The following DAB1 variants were observed in gnomAD, a reference collection of about 807,000 sequenced individuals.
DAB1 encodes the protein DAB adaptor protein 1.
In DAB1, 15 loss-of-function variants were observed where a neutral mutation model predicts 64.6. The ratio of observed to expected loss-of-function variants is 0.23; its 90% CI spans 0.16 to 0.36. The LOEUF is 0.36. Among genes scored for constraint, DAB1 ranks in the 10% least tolerant of loss-of-function variants. DAB1 has a pLI of 1.00. For synonymous variants in DAB1, 235 were observed against 251.9 expected, an observed-to-expected ratio of 0.93 and a Z score of 0.64; for missense variants, 596 against 706.7, an observed-to-expected ratio of 0.84 and a Z score of 1.78.
At chr1:57,899,621 C>T (rs1448486120) in intron 5 of DAB1, among the ~76,000 whole-genome samples, 3 of 151,950 alleles carry the variant, frequency 2.0e-5, no homozygotes, top group African/African-American at 7.2e-5. Context: ...TGCCACCACT[C>T]ACGGAGAAAG....
Position 58,470,032 on chromosome 1 carries a change from G to C in DAB1, n.257+36028C>G, listed in dbSNP as rs1175620377. Among the ~76,000 whole-genome samples the C allele has an allele frequency of 3.3e-5, 5 of 151,878 alleles. No individual in the cohort carries two copies. The East Asian group carries it at 9.6e-4, about 29-fold the overall frequency. ...CATTTACTCTTCACAGCAGCCCCAG[G>C]AAGTACACTGAGGCCATTCTTCCCA... is the stretch of plus-strand genomic sequence containing the variant. On this transcript the variant is annotated intron_variant and non_coding_transcript_variant, in intron 3 of 20. Transcript: ENST00000485760.
chr1:57,431,955 C>T (rs1359460069), intron 7 of DAB1, among the ~76,000 whole-genome samples: 1 of 152,062 alleles, frequency 6.6e-6, no homozygotes, highest in Admixed American at 6.6e-5. Context: ...AACCCCGTCT[C>T]TACTAAAAAT....
At chr1:58,359,837 C>T (rs923442915) in intron 3 of DAB1, among the ~76,000 whole-genome samples, 3 of 152,164 alleles carry the variant, frequency 2.0e-5, no homozygotes, top group Admixed American at 2.0e-4. Flanking sequence ...CATCATGGCA[C>T]TGAAAGTGTA....
At chr1:58,132,984 C>G (rs767112199) in intron 5 of DAB1, among the ~76,000 whole-genome samples, 1 of 152,180 alleles carries the variant, frequency 6.6e-6, no homozygotes, top group Non-Finnish European at 1.5e-5. Context: ...TACATTCCCA[C>G]GAGCTTATAC....
chr1:57,936,717 G>A (rs1280270320), intron 5 of DAB1, among the ~76,000 whole-genome samples: 10 of 151,740 alleles, frequency 6.6e-5, no homozygotes, highest in Non-Finnish European at 1.0e-4. Flanking sequence ...ATGGAGTCTC[G>A]CACTGTTGTT....
chr1:57,340,009 T>C (rs1677442069), intron 1 of DAB1, among the ~76,000 whole-genome samples: 1 of 152,210 alleles, frequency 6.6e-6, no homozygotes, highest in Non-Finnish European at 1.5e-5. Flanking sequence ...GGATTCATCC[T>C]GTAATGAGCA....
At chr1:57,653,083 A>G (rs2101657591) in intron 6 of DAB1, among the ~76,000 whole-genome samples, 1 of 152,372 alleles carries the variant, frequency 6.6e-6, no homozygotes, top group East Asian at 1.9e-4. Context: ...GAATATAGAC[A>G]TAATTATAAC....
At chr1:58,181,703 G>A (rs911911076) in intron 4 of DAB1, among the ~76,000 whole-genome samples, 1 of 151,894 alleles carries the variant, frequency 6.6e-6, no homozygotes, top group Non-Finnish European at 1.5e-5. Flanking sequence ...TGGAAATTTT[G>A]TTAAAATATA....
chr1:58,180,726 A>T (rs556458980), intron 4 of DAB1, among the ~76,000 whole-genome samples: 1 of 152,264 alleles, frequency 6.6e-6, no homozygotes, highest in South Asian at 2.1e-4. Flanking sequence ...TGATTTATTA[A>T]CTCACAGTTT....
intron 6 of DAB1, among the ~76,000 whole-genome samples, chr1:57,793,313 G>A (rs1051712547): frequency 1.3e-5 from 2 of 152,148 alleles, no homozygotes; most frequent in Admixed American, 1.3e-4. Context: ...AGAAATGACT[G>A]TTACCTCAGA....
chr1:57,700,067 C>T (rs915484545), intron 6 of DAB1, among the ~76,000 whole-genome samples: 2 of 152,162 alleles, frequency 1.3e-5, no homozygotes, highest in Non-Finnish European at 2.9e-5. Context: ...CAACAGTCAA[C>T]CAGTTTCCCA....
At chr1:57,014,825 C>T (rs766876356) in intron 12 of DAB1, 58 bp downstream of exon 12, 32 of 1,436,416 alleles carry the variant, frequency 2.2e-5, no homozygotes, top group Non-Finnish European at 2.7e-5. Context: ...GAAACCCCGC[C>T]TCCAGACATG....
intron 3 of DAB1, among the ~76,000 whole-genome samples, chr1:58,455,713 C>A (rs1645187097): frequency 6.6e-6 from 1 of 152,212 alleles, no homozygotes; most frequent in African/African-American, 2.4e-5. Context: ...CTCCCAATTG[C>A]CTTTCCTTTA....
intron 3 of DAB1, among the ~76,000 whole-genome samples, chr1:58,459,417 G>A (rs1025825343): frequency 6.6e-5 from 10 of 152,230 alleles, no homozygotes; most frequent in Non-Finnish European, 1.3e-4. Flanking sequence ...AGAATTTAGT[G>A]ATCAGGCTGT....
chr1:58,008,729 G>A, intron 5 of DAB1, among the ~76,000 whole-genome samples: 1 of 152,128 alleles, frequency 6.6e-6, no homozygotes, highest in Non-Finnish European at 1.5e-5. Flanking sequence ...AAGACTTAGA[G>A]AAATGTTTAG....
upstream of DAB1, among the ~76,000 whole-genome samples, chr1:57,886,273 C>G (rs149086073): frequency 1.8e-4 from 28 of 152,186 alleles, no homozygotes; most frequent in Non-Finnish European, 3.4e-4. Flanking sequence ...ATTCTCCTGC[C>G]TCAGCCTCTG....
intron 6 of DAB1, among the ~76,000 whole-genome samples, chr1:57,779,000 T>C (rs1428228661): frequency 6.6e-6 from 1 of 151,962 alleles, no homozygotes; most frequent in Non-Finnish European, 1.5e-5. Flanking sequence ...GGAGAATCAG[T>C]AGCAAAGACC....
chr1:58,025,063 TC>T (rs1284145405), intron 5 of DAB1, among the ~76,000 whole-genome samples: 1 of 151,774 alleles, frequency 6.6e-6, no homozygotes, highest in Non-Finnish European at 1.5e-5. Flanking sequence ...CTTCTCTCTC[TC>T]CCCTTTCCCT....
chr1:57,821,822 G>C (rs181524510), downstream of DAB1, among the ~76,000 whole-genome samples: 243 of 152,272 alleles, frequency 1.6e-3, 2 homozygotes, highest in Non-Finnish European at 2.0e-3. Flanking sequence ...TTAAGAGAGT[G>C]AATTTGGCTT....
Sources: allele counts gnomAD v4.1 joint callset (sites outside exome capture counted in the v4.1 genomes callset), GRCh38; gene constraint gnomAD v4.1.1; transcripts MANE v1.5; gene names NCBI Gene and HGNC (gene_info 2026-07-23, HGNC 2026-07-21).